Variants in FOXRED2 observed in about 807,000 individuals in gnomAD.
FOXRED2 encodes FAD dependent oxidoreductase domain containing 2.
Under a neutral mutation model 52.5 loss-of-function variants are expected in FOXRED2, and 32 were observed. The ratio of observed to expected loss-of-function variants is 0.61; its 90% CI spans 0.46 to 0.82. The LOEUF is 0.82. Among genes scored for constraint, FOXRED2 ranks in the 40% least tolerant of loss-of-function variants. The pLI is 0.00. For synonymous variants in FOXRED2, 405 were observed against 398.1 expected, an observed-to-expected ratio of 1.02 and a Z score of -0.21; for missense variants, 848 against 937.5, an observed-to-expected ratio of 0.90 and a Z score of 1.25.
At chr22:36,504,390 GGA>G (rs770050873) in intron 3 of FOXRED2, 23 bp from the exon 4 acceptor site, 190 of 1,612,326 alleles carry the variant, frequency 1.2e-4, no homozygotes, top group Non-Finnish European at 1.4e-4. Context: ...AGAATGCAGG[GGA>G]GAGAGACTCA....
intron 1 of FOXRED2, 150 bp from the exon 2 acceptor site, chr22:36,506,573 C>G (rs1396499947): frequency 1.4e-6 from 1 of 722,552 alleles, no homozygotes; most frequent in Non-Finnish European, 2.1e-6. Flanking sequence ...TTTGCCCGGA[C>G]TCCACCGTTT....
intron 1 of FOXRED2, 38 bp from the exon 2 acceptor site, chr22:36,506,461 C>G: frequency 1.4e-6 from 2 of 1,414,946 alleles, no homozygotes; most frequent in Non-Finnish European, 9.2e-7. Context: ...CGCACCCGGC[C>G]CGGCGGCTGG....
rs1355329306 is a variant in FOXRED2 at position 36,504,282 on chromosome 22, G to T, written c.865C>A (p.Leu289Met). The part of the protein sequence containing the change: ...LESDLTDLAI[L>M]KDSKGKFHVT... Reference sequence around the variant, plus strand: ...TGGAACTTGCCTTTGCTGTCCTTCAGGATGGCCAGATCCGTCAGGTCAGAC... The same window carrying T: ...TGGAACTTGCCTTTGCTGTCCTTCATGATGGCCAGATCCGTCAGGTCAGAC... The change falls in exon 4 of 9, where the codon CTG (leucine) becomes ATG (methionine). Residue 289 changes from leucine to methionine, a missense_variant. Leu to Met is a conservative substitution (Grantham distance 15, BLOSUM62 2). Transcript: ENST00000397224. 8.1e-6 allele frequency: 13 copies of T among 1,614,084 alleles called. No individual in the cohort carries two copies. Among genetic ancestry groups the T allele is most frequent in the Non-Finnish European group, 1.0e-5 (12 of 1,180,046 alleles).
chr22:36,489,766 A>G lies in FOXRED2; in HGVS notation c.*242T>C. ...CATTGCAGACAAACTGGGCTGGGGA[A>G]GGCAGCTCCCACCTGGCAGAGGATG... On this transcript the variant is annotated 3_prime_UTR_variant, in exon 9 of 9. Coordinates refer to ENST00000397224, the MANE Select transcript of FOXRED2 (RefSeq NM_001102371.2). 2.3e-6 allele frequency: 1 copy of G among 435,498 alleles called. No individual in the cohort carries two copies. The highest frequency in any genetic ancestry group is 4.1e-6 in the Non-Finnish European group (1 of 243,286). 27.0% of individuals were successfully genotyped at this position (435,498 alleles called of 1,614,324 possible).
At chr22:36,494,259 G>C (rs544773330) in intron 7 of FOXRED2, among the ~76,000 whole-genome samples, 2 of 152,220 alleles carry the variant, frequency 1.3e-5, no homozygotes, top group African/African-American at 4.8e-5. Flanking sequence ...TGGGATTACA[G>C]GTGCCCGCCA....
chr22:36,501,184 T>C (rs950929437), intron 5 of FOXRED2, 57 bp downstream of exon 5: 2 of 1,567,536 alleles, frequency 1.3e-6, no homozygotes, highest in African/African-American at 2.7e-5. Flanking sequence ...TTATAAACCC[T>C]GGGATGCTGA....
chr22:36,506,321 G>T lies in FOXRED2; in HGVS notation c.102C>A (p.Cys34Ter). 6.5e-7 allele frequency: 1 copy of T among 1,531,646 alleles called. No homozygotes were observed. Among genetic ancestry groups the T allele is most frequent in the Non-Finnish European group, 8.8e-7 (1 of 1,142,488 alleles). 94.9% of individuals were successfully genotyped at this position (1,531,646 alleles called of 1,614,324 possible). ...GGCCCGCGGGCCCAGCGCCCAGCACGCAGTAGTCCCGGCGCGGGGGCACCG... is the reference window on the plus strand; with the variant it reads ...GGCCCGCGGGCCCAGCGCCCAGCACTCAGTAGTCCCGGCGCGGGGGCACCG... Reference protein sequence around the residue: ...ALSVPPRRDYCVLGAGPAGLQ... With the variant: ...ALSVPPRRDY The change falls in exon 2 of 9, where the codon TGC becomes TGA. Residue 34 changes from cysteine (C) to a stop codon, truncating the protein, a stop_gained. Coordinates refer to ENST00000397224, the MANE Select transcript of FOXRED2 (RefSeq NM_001102371.2). LOFTEE classifies it high-confidence loss of function.
intron 1 of FOXRED2, 55 bp downstream of exon 1, chr22:36,506,954 A>G (rs1454621681): frequency 1.3e-5 from 2 of 152,696 alleles, no homozygotes; most frequent in Non-Finnish European, 2.9e-5. Context: ...CCAGGTCCCT[A>G]CGCCCGCAGC....
Position 36,498,060 on chromosome 22 carries a change from C to T in FOXRED2, c.1313G>A (p.Arg438Gln), listed in dbSNP as rs779747726. Residue 438 changes from arginine to glutamine, a missense_variant, in exon 6 of 9, where the codon CGG becomes CAG. Coordinates refer to ENST00000397224, the MANE Select transcript of FOXRED2 (RefSeq NM_001102371.2). ...PITQLTSSIV[R>Q]RVNEASGLYQ... ...GAGCCCAGAAGCCTCATTCACGCGC[C>T]GCACGATGGAGCTGGTCAGCTGTGT... 1.3e-5 allele frequency: 21 copies of T among 1,613,972 alleles called. No individual in the cohort carries two copies. Among genetic ancestry groups the T allele is most frequent in the South Asian group, 5.5e-5 (5 of 91,088 alleles).
chr22:36,498,633 G>A lies in FOXRED2; in HGVS notation c.1217-477C>T, dbSNP rs997112156. The stretch of plus-strand genomic sequence containing the variant: ...TCACAGCTCTGTTTCCATCAGAGAC[G>A]CGCCTACAGAAATCTTTGATTTCGC... On this transcript the variant is annotated intron_variant, in intron 5 of 8. Coordinates refer to ENST00000397224, the MANE Select transcript of FOXRED2 (RefSeq NM_001102371.2). Among the ~76,000 whole-genome samples the A allele has an allele frequency of 3.3e-5, 5 of 152,144 alleles. No individual in the cohort carries two copies. The South Asian group carries it at 8.3e-4, about 25-fold the overall frequency.
rs755978039 is a variant in FOXRED2 at position 36,506,077 on chromosome 22, G to T, written c.346C>A (p.Arg116Ser). 1 of 1,614,250 alleles carries T rather than the reference G, an allele frequency of 6.2e-7. No homozygotes were observed. Among genetic ancestry groups the T allele is most frequent in the Middle Eastern group, 1.6e-4 (1 of 6,062 alleles). Residue 116 changes from arginine to serine, a missense_variant, in exon 2 of 9, where the codon CGT becomes AGT. Transcript: ENST00000397224. Reference protein sequence around the residue: ...DPRLLFRHYSRAYFPDARDMV... With the variant: ...DPRLLFRHYSSAYFPDARDMV... ...TCGCGGGCGTCGGGGAAGTAGGCAC[G>T]CGAGTAGTGTCTGAAGAGCAGCCGG... is the stretch of plus-strand genomic sequence containing the variant.
intron 3 of FOXRED2, 39 bp from the exon 4 acceptor site, chr22:36,504,406 G>A (rs1347934504): frequency 1.2e-6 from 2 of 1,610,410 alleles, no homozygotes; most frequent in Admixed American, 1.7e-5. Flanking sequence ...AGACTCAGAG[G>A]AAAGCTGGGC....
chr22:36,490,615 T>C (rs754467457), intron 8 of FOXRED2, among the ~76,000 whole-genome samples: 4 of 152,254 alleles, frequency 2.6e-5, no homozygotes, highest in Non-Finnish European at 5.9e-5. Flanking sequence ...CCGACCTTCA[T>C]GAGCAGACCC....
In FOXRED2 at chr22:36,494,428, GGCT is replaced by G. The variant is rs1933840550; in HGVS notation, c.1625-628_1625-626del. On this transcript the variant is annotated intron_variant, in intron 7 of 8. Transcript: ENST00000397224. ...GGCATGAGCCACTGCGCCTGGCTGT[GGCT>G]GCTTTCAAACTGGCCTTTCTCTGAG... Among the ~76,000 whole-genome samples the G allele has an allele frequency of 2.0e-5, 3 of 151,646 alleles. No individual in the cohort carries two copies. The South Asian group carries it at 6.3e-4, about 32-fold the overall frequency.
intron 2 of FOXRED2, among the ~76,000 whole-genome samples, chr22:36,505,646 C>T (rs1458343356): frequency 6.6e-6 from 1 of 152,144 alleles, no homozygotes; most frequent in African/African-American, 2.4e-5. Context: ...TGGTGCTTGC[C>T]TGTAATCCCA....
intron 6 of FOXRED2, among the ~76,000 whole-genome samples, chr22:36,497,169 G>C (rs965229237): frequency 6.7e-6 from 1 of 150,090 alleles, no homozygotes; most frequent in African/African-American, 2.5e-5. Context: ...GACATAGTGA[G>C]ACTCTGAGTC....
chr22:36,497,526 C>G (rs1186576496), intron 6 of FOXRED2, among the ~76,000 whole-genome samples: 1 of 152,158 alleles, frequency 6.6e-6, no homozygotes, highest in Non-Finnish European at 1.5e-5. Context: ...CCGCCCCTCA[C>G]CCCTCTGTGC....
intron 4 of FOXRED2, among the ~76,000 whole-genome samples, chr22:36,503,744 G>A (rs1467202209): frequency 1.3e-5 from 2 of 152,240 alleles, no homozygotes; most frequent in Non-Finnish European, 2.9e-5. Flanking sequence ...TTGGCAAGCA[G>A]AGAATCTCAG....
At chr22:36,497,061 T>G (rs1933918593) in intron 6 of FOXRED2, among the ~76,000 whole-genome samples, 1 of 152,102 alleles carries the variant, frequency 6.6e-6, no homozygotes, top group Non-Finnish European at 1.5e-5. Context: ...GGGCCTGTAA[T>G]CCCAGCTACT....
Sources: allele counts gnomAD v4.1 joint callset (sites outside exome capture counted in the v4.1 genomes callset), GRCh38; gene constraint gnomAD v4.1.1; transcripts MANE v1.5; gene names NCBI Gene and HGNC (gene_info 2026-07-23, HGNC 2026-07-21).